LRRC56: variants seen among roughly 807,000 people sequenced by gnomAD.
LRRC56 encodes the protein leucine rich repeat containing 56, also known as leucine-rich repeat-containing protein 56.
Under a neutral mutation model 47.8 loss-of-function variants are expected in LRRC56, and 41 were observed. The ratio of observed to expected loss-of-function variants is 0.86; its 90% CI spans 0.67 to 1.11. The LOEUF (loss-of-function observed/expected upper bound fraction) is 1.11. LRRC56 is among the 50% of genes most tolerant of loss of function. The pLI is 0.00. For synonymous variants in LRRC56, 387 were observed against 311.2 expected (o/e 1.24, Z -2.56); for missense variants, 759 against 704.2 (o/e 1.08, Z -0.88).
In LRRC56 at chr11:554,369, G is replaced by T. The variant is rs887708973; in HGVS notation, c.*93G>T. On this transcript the variant is annotated 3_prime_UTR_variant, in exon 14 of 14. Coordinates refer to ENST00000270115, the MANE Select transcript of LRRC56 (RefSeq NM_198075.4). ...ACAGAATACCTGGGCGGGTGTGTTG[G>T]GGGGTGGAAGGAGTGCCTGGCCCTG... 15 of 1,170,362 alleles carry T rather than the reference G, an allele frequency of 1.3e-5. No homozygotes were observed. The highest frequency in any genetic ancestry group is 4.8e-5 in the African/African-American group (3 of 63,032). 72.5% of individuals were successfully genotyped at this position (1,170,362 alleles called of 1,614,324 possible). A position where few individuals can be genotyped will look rare whatever the true frequency, so the allele number is the denominator to read the frequency against.
At chr11:532,833 C>G, upstream of LRRC56, 1 of 1,457,000 alleles carries the variant, frequency 6.9e-7, no homozygotes, top group African/African-American at 1.4e-5. Context: ...GCTGTGGGAT[C>G]AAGCCTTGCC....
At chr11:530,397 G>A in the LRRC56 span, among the ~76,000 whole-genome samples, 3 of 152,090 alleles carry the variant, frequency 2.0e-5, no homozygotes, top group Non-Finnish European at 4.4e-5. Context: ...CTGGTCACTC[G>A]GAGGCTGCTG....
intron 9 of LRRC56, 89 bp from the exon 10 acceptor site, chr11:551,562 T>C: frequency 7.3e-7 from 1 of 1,377,912 alleles, no homozygotes; most frequent in Non-Finnish European, 9.9e-7. Flanking sequence ...CCATGCAGCA[T>C]GGGGATTGGG....
upstream of LRRC56, chr11:534,629 G>A (rs1385822260): frequency 2.4e-5 from 12 of 497,912 alleles, no homozygotes; most frequent in East Asian, 4.1e-4. Context: ...GCTGACAGCT[G>A]AGCGCTCTCA....
upstream of LRRC56, chr11:534,628 T>C: frequency 6.0e-6 from 3 of 498,974 alleles, no homozygotes; most frequent in Non-Finnish European, 7.3e-6. Context: ...GGCTGACAGC[T>C]GAGCGCTCTC....
the LRRC56 span, among the ~76,000 whole-genome samples, chr11:509,698 C>T: frequency 1.3e-5 from 2 of 151,540 alleles, no homozygotes; most frequent in Non-Finnish European, 2.9e-5. Flanking sequence ...CAGGCACCTG[C>T]CACCACGCCC....
At chr11:533,259 C>A (rs774208137), upstream of LRRC56, 26 of 1,561,896 alleles carry the variant, frequency 1.7e-5, no homozygotes, top group Admixed American at 4.4e-4. Context: ...CACTGCCCTG[C>A]CGTCCCGGGA....
At chr11:516,348 G>A in the LRRC56 span, among the ~76,000 whole-genome samples, 37 of 151,756 alleles carry the variant, frequency 2.4e-4, no homozygotes, top group East Asian at 5.2e-3. Flanking sequence ...AGCTGAGATC[G>A]TACCACTGCA....
In LRRC56 at chr11:541,236, C is replaced by A. The variant is rs556560043; in HGVS notation, c.178-301C>A. On this transcript the variant is annotated intron_variant, in intron 4 of 13. Coordinates refer to ENST00000270115, the MANE Select transcript of LRRC56 (RefSeq NM_198075.4). This position sits in a 1 kb window ranked among gnomAD's most constrained non-coding sequence, Gnocchi z 4.1. ...ATGGCTCAAAGCTCAGGGCAGGGCC[C>A]GGCGCGGTCCGGGCTCTGGGTGCCG... 6.6e-6 allele frequency among the ~76,000 whole-genome samples: 1 copy of A among 152,118 alleles called. No individual in the cohort carries two copies. The highest frequency in any genetic ancestry group is 2.4e-5 in the African/African-American group (1 of 41,416).
At chr11:533,977 G>C (rs1851291171), upstream of LRRC56, 1 of 1,603,414 alleles carries the variant, frequency 6.2e-7, no homozygotes, top group Non-Finnish European at 8.5e-7. Flanking sequence ...GACCCCCTCA[G>C]GACCTTCCGT....
chr11:554,248 T>A lies in LRRC56; in HGVS notation c.1601T>A (p.Leu534His). 6.6e-7 allele frequency: 1 copy of A among 1,506,226 alleles called. No homozygotes were observed. Among genetic ancestry groups the A allele is most frequent in the Non-Finnish European group, 8.8e-7 (1 of 1,131,098 alleles). 93.3% of individuals were successfully genotyped at this position (1,506,226 alleles called of 1,614,324 possible). A position where few individuals can be genotyped will look rare whatever the true frequency, so the allele number is the denominator to read the frequency against. ...GCTAGACCTCCCAGGGCAGCTGAAC[T>A]CTCTCACCCCAGCCCCGTCCCCACT... ...AAARPPRAAE[L>H]SHPSPVPT The change falls in exon 14 of 14, where the codon CTC becomes CAC. Residue 534 changes from leucine (L) to histidine (H), a missense_variant. Transcript: ENST00000270115.
At chr11:539,101 G>T (rs966506743) in intron 2 of LRRC56, among the ~76,000 whole-genome samples, 1 of 152,224 alleles carries the variant, frequency 6.6e-6, no homozygotes, top group African/African-American at 2.4e-5. Context: ...TGTTTTTTGA[G>T]ATGGAGTCTC....
At chr11:514,108 T>C in the LRRC56 span, among the ~76,000 whole-genome samples, 1 of 151,620 alleles carries the variant, frequency 6.6e-6, no homozygotes, top group African/African-American at 2.4e-5. Flanking sequence ...TCTCTTACCT[T>C]AGCCTCCGGA....
At chr11:527,763 C>T in the LRRC56 span, among the ~76,000 whole-genome samples, 3 of 150,762 alleles carry the variant, frequency 2.0e-5, no homozygotes, top group Admixed American at 6.6e-5. Context: ...TGCAATTCCG[C>T]GATCTCGGCT....
intron 3 of LRRC56, 118 bp from the exon 4 acceptor site, chr11:540,556 G>C (rs958274819): frequency 4.9e-5 from 39 of 797,806 alleles, no homozygotes; most frequent in Middle Eastern, 3.6e-4. Context: ...GGTGGGGGTG[G>C]GTGCCAAGGG....
At chr11:532,840 T>G (rs1851190818), upstream of LRRC56, 17 of 1,407,000 alleles carry the variant, frequency 1.2e-5, no homozygotes, top group South Asian at 1.6e-4. Context: ...GATCAAGCCT[T>G]GCCTGGCCCG....
At chr11:525,760 C>T in the LRRC56 span, among the ~76,000 whole-genome samples, 1 of 151,994 alleles carries the variant, frequency 6.6e-6, no homozygotes, top group Non-Finnish European at 1.5e-5. Flanking sequence ...TTTAGCCAGG[C>T]ATGCTGGTGC....
chr11:510,285 G>A, the LRRC56 span, among the ~76,000 whole-genome samples: 1 of 152,198 alleles, frequency 6.6e-6, no homozygotes, highest in South Asian at 2.1e-4. Flanking sequence ...TGGGTGGAGA[G>A]TCCTGTGCCT....
the LRRC56 span, among the ~76,000 whole-genome samples, chr11:519,258 A>G: frequency 1.3e-5 from 2 of 150,194 alleles, no homozygotes; most frequent in East Asian, 3.9e-4. Flanking sequence ...TACACAGGTG[A>G]GCTTTATTAG....
Sources: gnomAD v4.1 joint callset for allele counts (sites outside exome capture counted in the v4.1 genomes callset) on GRCh38, gnomAD v4.1.1 for gene constraint, Gnocchi (gnomAD v3.1) non-coding constraint, MANE v1.5 for transcripts, NCBI Gene and HGNC (gene_info 2026-07-23, HGNC 2026-07-21) for gene names.